Variants in ZNF565 observed in about 807,000 individuals in gnomAD.
The protein encoded by ZNF565 is zinc finger protein 565.
Under a neutral mutation model 39.4 loss-of-function variants are expected in ZNF565, and 27 were observed. That is an observed-to-expected ratio of 0.69 (90% confidence interval 0.51 to 0.95). The LOEUF is 0.95. ZNF565 is among the 40% of genes least tolerant of loss of function. The pLI is 0.00. For synonymous variants in ZNF565, 185 were observed against 216.6 expected, an observed-to-expected ratio of 0.85 and a Z score of 1.28; for missense variants, 524 against 621.1, an observed-to-expected ratio of 0.84 and a Z score of 1.66.
rs1191979117 is a variant in ZNF565 at position 36,245,773 on chromosome 19, A to T, written c.-243T>A. ...CGGGGTCCCGGGCTGCTTTTCTTGG[A>T]GGGCTCGGTGCCGGAGGCTACTCTT... On this transcript the variant is annotated 5_prime_UTR_variant, in exon 1 of 5. Coordinates refer to the ZNF565 transcript ENST00000355114. This position sits in a 1 kb window ranked among gnomAD's most constrained non-coding sequence, Gnocchi z 4.4. 1.9e-6 allele frequency: 1 copy of T among 513,912 alleles called. No homozygotes were observed. Among genetic ancestry groups the T allele is most frequent in the African/African-American group, 2.0e-5 (1 of 50,900 alleles). 31.8% of individuals were successfully genotyped at this position (513,912 alleles called of 1,614,324 possible).
chr19:36,199,979 G>T (rs1292302990), intron 2 of ZNF565, among the ~76,000 whole-genome samples: 1 of 151,260 alleles, frequency 6.6e-6, no homozygotes, highest in Non-Finnish European at 1.5e-5. Flanking sequence ...CTTAATGATG[G>T]TTATATCTAT....
chr19:36,185,716 AT>A lies in ZNF565; in HGVS notation c.233-1984del, dbSNP rs201279241. On this transcript the variant is annotated intron_variant, in intron 4 of 4. Transcript: ENST00000304116. ...GGTCTCAGATGAAAACTCACTCTCTATTTTTTTTTTTTTTTTTTGAGACAGA... is the reference window on the plus strand; with the variant it reads ...GGTCTCAGATGAAAACTCACTCTCTATTTTTTTTTTTTTTTTTGAGACAGA... Among the ~76,000 whole-genome samples the A allele has an allele frequency of 4.0e-3, 500 of 125,084 alleles. 2 individuals are homozygous for A. Among genetic ancestry groups the A allele is most frequent in the Admixed American group, 0.024 (289 of 11,868 alleles). The allele number at this position is 125,084 out of a possible 152,430, so 82.1% of individuals were successfully genotyped here.
chr19:36,221,933 T>G (rs983233136), intron 1 of ZNF565, among the ~76,000 whole-genome samples: 1 of 127,354 alleles, frequency 7.9e-6, no homozygotes, highest in Admixed American at 7.7e-5. Context: ...CTTTCTTTTT[T>G]TTTTTTTTTT....
At chr19:36,215,864 TTATCC>T (rs1976581639), upstream of ZNF565, among the ~76,000 whole-genome samples, 1 of 152,194 alleles carries the variant, frequency 6.6e-6, no homozygotes, top group Admixed American at 6.5e-5. Context: ...TTAGGCACAG[TTATCC>T]TCATTTTTTG....
chr19:36,232,194 CA>C (rs35069898), intron 1 of ZNF565, among the ~76,000 whole-genome samples: 67,691 of 108,740 alleles, frequency 0.62, 17,560 homozygotes, highest in Middle Eastern at 0.73. Flanking sequence ...GACTCCATCT[CA>C]AAAAAAAAAA....
chr19:36,222,662 A>G (rs1976898039), intron 1 of ZNF565, among the ~76,000 whole-genome samples: 1 of 151,784 alleles, frequency 6.6e-6, no homozygotes, highest in South Asian at 2.1e-4. Flanking sequence ...GCCTGTATGT[A>G]TTAATCTAGG....
chr19:36,220,664 C>T (rs796143328), intron 1 of ZNF565, among the ~76,000 whole-genome samples: 1 of 152,036 alleles, frequency 6.6e-6, no homozygotes, highest in East Asian at 1.9e-4. Context: ...CGGCGCCCGG[C>T]CTCCTAGTTG....
At chr19:36,215,820 C>G (rs74852138), upstream of ZNF565, among the ~76,000 whole-genome samples, 1,283 of 152,258 alleles carry the variant, frequency 8.4e-3, 29 homozygotes, top group East Asian at 0.081. Flanking sequence ...TCCCATATAA[C>G]GGCGCCCAGG....
intron 4 of ZNF565, among the ~76,000 whole-genome samples, chr19:36,188,434 G>A (rs754637365): frequency 9.3e-5 from 14 of 151,304 alleles, no homozygotes; most frequent in East Asian, 2.0e-4. Flanking sequence ...TGAGGGGGCC[G>A]CATGTGGTAG....
intron 1 of ZNF565, chr19:36,237,312 C>T: frequency 6.2e-7 from 1 of 1,602,098 alleles, no homozygotes; most frequent in Non-Finnish European, 8.5e-7. Flanking sequence ...AAAATTCATA[C>T]TCACTAAAAA....
Position 36,225,514 on chromosome 19 carries a change from T to G in ZNF565, c.55+19962A>C, listed in dbSNP as rs556917954. On this transcript the variant is annotated intron_variant, in intron 1 of 4. Transcript: ENST00000355114. ...TCTGCTTTGTGATTCTTACTTTTTT[T>G]TTTCTGGCTCACTGCAACCTCAACC... Among the ~76,000 whole-genome samples, 27 of 152,200 alleles carry G rather than the reference T, an allele frequency of 1.8e-4. No individual in the cohort carries two copies. The South Asian group carries it at 5.6e-3, about 32-fold the overall frequency.
chr19:36,183,492 C>T lies in ZNF565; in HGVS notation c.474G>A (p.Gln158=). 6.2e-7 allele frequency: 1 copy of T among 1,614,244 alleles called. No homozygotes were observed. Among genetic ancestry groups the T allele is most frequent in the South Asian group, 1.1e-5 (1 of 91,082 alleles). The stretch of plus-strand genomic sequence containing the variant: ...TCAGTTTCTCACCAGTCTCCCTGCT[C>T]TGACGTACAGTGTGAGACGTGTGAT... ...FQHHTSHTVR[Q]SRETGEKLME... Residue 158 remains glutamine, a synonymous_variant, in exon 5 of 5, where the codon CAG becomes CAA. Transcript: ENST00000304116.
chr19:36,207,177 C>T (rs1040489770), intron 1 of ZNF565, among the ~76,000 whole-genome samples: 3 of 152,190 alleles, frequency 2.0e-5, no homozygotes, highest in Admixed American at 1.3e-4. Context: ...ACTGTAAGAA[C>T]TTTGGATTTT....
intron 1 of ZNF565, among the ~76,000 whole-genome samples, chr19:36,203,102 A>C (rs1384279840): frequency 6.6e-6 from 1 of 152,096 alleles, no homozygotes; most frequent in Non-Finnish European, 1.5e-5. Context: ...TGGGAGGCCA[A>C]GGCAGGTGGA....
rs375416087 is a variant in ZNF565 at position 36,183,186 on chromosome 19, A to C, written c.780T>G (p.Phe260Leu). 5.6e-6 allele frequency: 9 copies of C among 1,614,002 alleles called. No homozygotes were observed. Among genetic ancestry groups the C allele is most frequent in the Non-Finnish European group, 6.8e-6 (8 of 1,180,032 alleles). The stretch of plus-strand genomic sequence containing the variant: ...GCAGAATCAGCTGTGAATGCTGCCT[A>C]AAGGTCTTCCCACATTCTTTACATT... ...PYECKECGKT[F>L]RQHSQLILHQ... The change falls in exon 5 of 5, where the codon TTT (phenylalanine) becomes TTG (leucine). Residue 260 changes from phenylalanine (F) to leucine (L), a missense_variant. Physicochemically the swap from Phe to Leu is conservative, Grantham distance 22 (BLOSUM62 0). Transcript: ENST00000304116.
chr19:36,186,219 G>A (rs1208317482), intron 4 of ZNF565, among the ~76,000 whole-genome samples: 1 of 152,048 alleles, frequency 6.6e-6, no homozygotes, highest in African/African-American at 2.4e-5. Context: ...CTGGTCTCCT[G>A]AACTCCTGAC....
intron 1 of ZNF565, among the ~76,000 whole-genome samples, chr19:36,239,763 G>A (rs1016745994): frequency 4.6e-5 from 7 of 152,148 alleles, no homozygotes; most frequent in South Asian, 2.1e-4. Flanking sequence ...AGAATGGGAC[G>A]GGTATGAGAA....
In ZNF565 at chr19:36,227,406, AT is replaced by A. The variant is rs1231638601; in HGVS notation, c.55+18069del. 1.7e-3 allele frequency among the ~76,000 whole-genome samples: 236 copies of A among 139,624 alleles called. 4 individuals carry two copies. Among genetic ancestry groups the A allele is most frequent in the African/African-American group, 2.4e-3 (90 of 38,000 alleles). 91.6% of individuals were successfully genotyped at this position (139,624 alleles called of 152,430 possible). ...CTCTGTCACAAAAAAAAAAAAAAAG[AT>A]TTTTTTTTTTCTTTTGGAGTGCAGT... On this transcript the variant is annotated intron_variant, in intron 1 of 4. Transcript: ENST00000355114.
chr19:36,241,221 C>G (rs1977793366), intron 1 of ZNF565, among the ~76,000 whole-genome samples: 1 of 152,212 alleles, frequency 6.6e-6, no homozygotes, highest in African/African-American at 2.4e-5. Flanking sequence ...GGCAGTGGCT[C>G]ACGCCTGTAA....
Sources: gnomAD v4.1 joint callset for allele counts (sites outside exome capture counted in the v4.1 genomes callset) on GRCh38, gnomAD v4.1.1 for gene constraint, Gnocchi (gnomAD v3.1) non-coding constraint, MANE v1.5 for transcripts, NCBI Gene and HGNC (gene_info 2026-07-23, HGNC 2026-07-21) for gene names.